Variants in ARHGAP6 observed in about 807,000 individuals in gnomAD.
The protein encoded by ARHGAP6 is rho GTPase-activating protein 6.
A neutral mutation model predicts 55.7 loss-of-function variants in ARHGAP6; 16 were observed. The ratio of observed to expected loss-of-function variants is 0.29; its 90% confidence interval spans 0.19 to 0.44. ARHGAP6 has a LOEUF of 0.44. ARHGAP6 is among the 20% of genes least tolerant of loss of function. The pLI is 1.00. For missense variants in ARHGAP6, 698 were observed against 808.9 expected (o/e 0.86, Z 1.66); for synonymous variants, 382 against 360.9 (o/e 1.06, Z -0.66).
intron 10 of ARHGAP6, among the ~76,000 whole-genome samples, chrX:11,146,914 G>A (rs1021573273): frequency 1.8e-5 from 2 of 111,336 alleles, no homozygotes; most frequent in Non-Finnish European, 3.8e-5. Context: ...GTCAGGAAGT[G>A]GCAGCCAAAT....
intron 1 of ARHGAP6, among the ~76,000 whole-genome samples, chrX:11,614,665 TA>T (rs761280150): frequency 8.9e-6 from 1 of 111,995 alleles, no homozygotes; most frequent in African/African-American, 3.2e-5. Flanking sequence ...GAATGACTGT[TA>T]AAACATTTTT....
At chrX:11,491,372 C>A (rs960728788) in intron 1 of ARHGAP6, among the ~76,000 whole-genome samples, 30 of 109,232 alleles carry the variant, frequency 2.7e-4, no homozygotes, top group African/African-American at 9.4e-4. Flanking sequence ...ACTCCCCCCA[C>A]CCCACAACAG....
intron 1 of ARHGAP6, among the ~76,000 whole-genome samples, chrX:11,444,772 T>C (rs2050075932): frequency 9.0e-6 from 1 of 110,970 alleles, no homozygotes; most frequent in South Asian, 3.8e-4. Flanking sequence ...ATACTTATTT[T>C]AGCAAAGGTA....
chrX:11,520,179 T>A lies in ARHGAP6; in HGVS notation c.588+144062A>T, dbSNP rs868608269. Among the ~76,000 whole-genome samples the A allele has an allele frequency of 1.2e-3, 49 of 40,059 alleles. 1 individual carries two copies. Among genetic ancestry groups the A allele is most frequent in the African/African-American group, 1.5e-3 (18 of 12,320 alleles). 34.8% of individuals were successfully genotyped at this position (40,059 alleles called of 115,157 possible). A position where few individuals can be genotyped will look rare whatever the true frequency, so the allele number is the denominator to read the frequency against. ...TATATATATATATATATATATATAT[T>A]ACTTTAAGTTCTAGGGTACATGTGC... is the stretch of plus-strand genomic sequence containing the variant. On this transcript the variant is annotated intron_variant, in intron 1 of 12. Coordinates refer to ENST00000337414, the MANE Select transcript of ARHGAP6 (RefSeq NM_013427.3).
At chrX:11,523,672 G>GC (rs1372214484) in intron 1 of ARHGAP6, among the ~76,000 whole-genome samples, 1 of 111,493 alleles carries the variant, frequency 9.0e-6, no homozygotes, top group African/African-American at 3.3e-5. Context: ...TTTCTTTCCA[G>GC]CCCCCATGGC....
chrX:11,401,318 T>A (rs1466132668), intron 1 of ARHGAP6, among the ~76,000 whole-genome samples: 1 of 111,888 alleles, frequency 8.9e-6, no homozygotes, highest in Non-Finnish European at 1.9e-5. Context: ...GGACAATTTT[T>A]ATCTAGACAG....
At position 11,664,481 on chromosome X, in the gene ARHGAP6, G is replaced by A. The variant is rs748674597; in HGVS notation, c.348C>T (p.Gly116=). Residue 116 remains glycine (G), a synonymous_variant, in exon 1 of 13, where the codon GGC becomes GGT. Transcript: ENST00000337414. ...GAACCTCATAGTCAAAGTGAAAGCT[G>A]CCGGATGGTGACTTCTCCTGCGGGG... ...PSTPQEKSPS[G]SFHFDYEVPL... 1 of 1,208,647 alleles carries A rather than the reference G, an allele frequency of 8.3e-7. No individual in the cohort carries two copies. Among genetic ancestry groups the A allele is most frequent in the Non-Finnish European group, 1.1e-6 (1 of 894,062 alleles).
chrX:11,260,747 T>C (rs1193859684), intron 1 of ARHGAP6, among the ~76,000 whole-genome samples: 6 of 112,079 alleles, frequency 5.4e-5, no homozygotes, highest in Non-Finnish European at 9.4e-5. Flanking sequence ...TATTTAGAAA[T>C]GTAAACATAA....
At chrX:11,453,451 C>T (rs963770384) in intron 1 of ARHGAP6, among the ~76,000 whole-genome samples, 2 of 108,117 alleles carry the variant, frequency 1.8e-5, no homozygotes, top group Non-Finnish European at 3.8e-5. Flanking sequence ...AAAACTTGTA[C>T]TTGAGATTTT....
intron 10 of ARHGAP6, among the ~76,000 whole-genome samples, chrX:11,146,931 A>G (rs967432123): frequency 8.9e-6 from 1 of 111,842 alleles, no homozygotes; most frequent in Non-Finnish European, 1.9e-5. Flanking sequence ...AAATTTGCCT[A>G]AGAACCTATG....
chrX:11,592,984 T>C (rs1019365952), intron 1 of ARHGAP6, among the ~76,000 whole-genome samples: 3 of 111,824 alleles, frequency 2.7e-5, no homozygotes, highest in African/African-American at 9.8e-5. Context: ...AGTACAAAAT[T>C]TGGGCATGCA....
chrX:11,641,880 T>A (rs750121832), intron 1 of ARHGAP6, among the ~76,000 whole-genome samples: 1 of 111,911 alleles, frequency 8.9e-6, no homozygotes, highest in Non-Finnish European at 1.9e-5. Flanking sequence ...CATTTAATTA[T>A]CAATCATATC....
At chrX:11,290,403 T>C (rs768939521) in intron 1 of ARHGAP6, 2 of 375,836 alleles carry the variant, frequency 5.3e-6, no homozygotes, top group Non-Finnish European at 5.3e-6. Flanking sequence ...AGGGTTGCGG[T>C]GGGGTCAAAG....
rs188090107 is a variant in ARHGAP6, at chrX:11,251,677, G to A, written c.748+2871C>T. Among the ~76,000 whole-genome samples, 4 of 111,592 alleles carry A rather than the reference G, an allele frequency of 3.6e-5. No individual in the cohort carries two copies. In the East Asian group the frequency reaches 1.1e-3, roughly 32 times the overall value. ...TTGGCATCATTTCTTTAGGCTTTAG[G>A]TCCTGGCTACAGTATTTATTTTCCT... is the stretch of plus-strand genomic sequence containing the variant. On this transcript the variant is annotated intron_variant, in intron 2 of 12. Coordinates refer to ENST00000337414, the MANE Select transcript of ARHGAP6 (RefSeq NM_013427.3).
At chrX:11,351,919 C>G (rs192274753) in intron 1 of ARHGAP6, among the ~76,000 whole-genome samples, 2 of 112,595 alleles carry the variant, frequency 1.8e-5, no homozygotes, top group African/African-American at 6.5e-5. Flanking sequence ...TCACTTCTCA[C>G]CTTTCCCTTC....
rs780727017 is a variant in ARHGAP6 at position 11,354,015 on chromosome X, T to A, written c.589-99308A>T. 6.3e-5 allele frequency among the ~76,000 whole-genome samples: 7 copies of A among 110,897 alleles called. No individual in the cohort carries two copies. In the East Asian group the frequency reaches 2.0e-3, roughly 31 times the overall value. ...AACAGGCTGGATTTTTGGTGCCTGCTGGCTATTAAATGGTTATGTAGAAGA... is the reference window on the plus strand; with the variant it reads ...AACAGGCTGGATTTTTGGTGCCTGCAGGCTATTAAATGGTTATGTAGAAGA... On this transcript the variant is annotated intron_variant, in intron 1 of 12. Coordinates refer to ENST00000337414, the MANE Select transcript of ARHGAP6 (RefSeq NM_013427.3).
At chrX:11,318,458 A>G (rs2048385995) in intron 1 of ARHGAP6, among the ~76,000 whole-genome samples, 1 of 111,737 alleles carries the variant, frequency 8.9e-6, no homozygotes, top group African/African-American at 3.2e-5. Flanking sequence ...ATTATCCCCT[A>G]TATTTTTTGC....
At chrX:11,639,335 T>C (rs2052449613) in intron 1 of ARHGAP6, among the ~76,000 whole-genome samples, 1 of 110,848 alleles carries the variant, frequency 9.0e-6, no homozygotes, top group South Asian at 3.9e-4. Flanking sequence ...TTACATTAGG[T>C]ATATCTCCTA....
At chrX:11,197,170 T>C (rs983198966) in intron 2 of ARHGAP6, among the ~76,000 whole-genome samples, 174 bp from the exon 3 acceptor site, 2 of 112,228 alleles carry the variant, frequency 1.8e-5, no homozygotes, top group Non-Finnish European at 3.8e-5. Flanking sequence ...GGATACCACA[T>C]ATTACCAGAA....
Sources: allele counts gnomAD v4.1 joint callset (sites outside exome capture counted in the v4.1 genomes callset), GRCh38; gene constraint gnomAD v4.1.1; transcripts MANE v1.5; gene names NCBI Gene and HGNC (gene_info 2026-07-23, HGNC 2026-07-21).